The following DPP6 variants were observed in gnomAD, a reference collection of about 807,000 sequenced individuals.
DPP6 encodes the protein A-type potassium channel modulatory protein DPP6.
In DPP6, 69 loss-of-function variants were observed where a neutral mutation model predicts 122.6. The ratio of observed to expected loss-of-function variants is 0.56; its 90% CI spans 0.46 to 0.69. DPP6 has a LOEUF of 0.69. Ranked by LOEUF, DPP6 falls within the 30% of genes least tolerant of loss-of-function variation. The probability of loss-of-function intolerance (pLI) is 0.00; values close to 1 mark genes in which losing one functional copy is unlikely to be tolerated. For synonymous variants in DPP6, 418 were observed against 433.1 expected, an observed-to-expected ratio of 0.97 and a Z score of 0.43; for missense variants, 928 against 1,116.9, an observed-to-expected ratio of 0.83 and a Z score of 2.41.
At chr7:154,540,826 TTGTC>T (rs1329409772) in intron 4 of DPP6, among the ~76,000 whole-genome samples, 200 bp downstream of exon 4, 1 of 152,196 alleles carries the variant, frequency 6.6e-6, no homozygotes, top group Non-Finnish European at 1.5e-5. Flanking sequence ...GTTTCTTTCA[TTGTC>T]TGGGAAATTT....
chr7:154,775,559 TA>T (rs1796508742), intron 10 of DPP6, among the ~76,000 whole-genome samples: 1 of 152,118 alleles, frequency 6.6e-6, no homozygotes, highest in Non-Finnish European at 1.5e-5. Flanking sequence ...ACTCATTAAT[TA>T]ATAAGGGAAC....
chr7:154,499,022 G>A (rs572600036), intron 3 of DPP6, among the ~76,000 whole-genome samples: 1 of 152,322 alleles, frequency 6.6e-6, no homozygotes, highest in South Asian at 2.1e-4. Flanking sequence ...AAGCCTTGTG[G>A]TAGCTTTCAG....
At chr7:153,988,613 C>T (rs2907723) in intron 1 of DPP6, among the ~76,000 whole-genome samples, 24 of 151,704 alleles carry the variant, frequency 1.6e-4, no homozygotes, top group South Asian at 1.5e-3. Context: ...TCGGGGGATG[C>T]TCCCACTGAG....
intron 5 of DPP6, among the ~76,000 whole-genome samples, chr7:154,579,165 A>G (rs1586670445): frequency 6.6e-6 from 1 of 152,162 alleles, no homozygotes; most frequent in Non-Finnish European, 1.5e-5. Context: ...CCTGGCCAAC[A>G]TGGCGAAACC....
At chr7:154,533,840 T>C (rs1348744694) in intron 3 of DPP6, among the ~76,000 whole-genome samples, 1 of 151,782 alleles carries the variant, frequency 6.6e-6, no homozygotes, top group Non-Finnish European at 1.5e-5. Flanking sequence ...TCTACAGAAA[T>C]TTAAAAAATT....
chr7:154,818,175 G>C (rs1483989544), intron 16 of DPP6, among the ~76,000 whole-genome samples: 2 of 152,146 alleles, frequency 1.3e-5, no homozygotes, highest in Non-Finnish European at 2.9e-5. Context: ...TCAGAGAAGA[G>C]AAAAGGGCAT....
chr7:154,840,111 G>C (rs1409742590), intron 16 of DPP6, among the ~76,000 whole-genome samples: 1 of 152,210 alleles, frequency 6.6e-6, no homozygotes, highest in Admixed American at 6.5e-5. Context: ...AAAAAGAAAA[G>C]CAGGTGATTT....
intron 16 of DPP6, among the ~76,000 whole-genome samples, chr7:154,820,894 G>A (rs561464638): frequency 1.3e-5 from 2 of 152,266 alleles, no homozygotes; most frequent in East Asian, 3.9e-4. Flanking sequence ...AATAAAACTT[G>A]ACAATTCAAG....
At chr7:154,629,360 C>T (rs1052589435) in intron 5 of DPP6, among the ~76,000 whole-genome samples, 3 of 151,808 alleles carry the variant, frequency 2.0e-5, no homozygotes, top group Non-Finnish European at 4.4e-5. Context: ...TACTTTTTTT[C>T]CCTTCTCACC....
chr7:154,674,687 A>T (rs529115134), intron 7 of DPP6, among the ~76,000 whole-genome samples: 1 of 152,348 alleles, frequency 6.6e-6, no homozygotes, highest in Non-Finnish European at 1.5e-5. Context: ...TCCATTGGGA[A>T]GTCTTCAACG....
At chr7:154,493,044 G>A (rs1024783586) in intron 3 of DPP6, among the ~76,000 whole-genome samples, 1 of 152,090 alleles carries the variant, frequency 6.6e-6, no homozygotes, top group African/African-American at 2.4e-5. Context: ...TTAGAAGATC[G>A]TGCTTCTTAT....
chr7:154,581,327 T>C (rs1832052191), intron 5 of DPP6, among the ~76,000 whole-genome samples: 1 of 151,894 alleles, frequency 6.6e-6, no homozygotes, highest in African/African-American at 2.4e-5. Context: ...AGGAGATTTG[T>C]GTGGGGAAAA....
rs368548794 is a variant in DPP6 at position 154,348,453 on chromosome 7, A to G, written c.244-97761A>G. On this transcript the variant is annotated intron_variant, in intron 1 of 25. Transcript: ENST00000377770. ...CCTGAAGTTTCCAATATCATTTTTT[A>G]TTCTCGCCCAACATCCTCTGTGATT... Among the ~76,000 whole-genome samples the G allele has an allele frequency of 2.3e-4, 35 of 152,304 alleles. No homozygotes were observed. In the East Asian group the frequency reaches 6.6e-3, roughly 29 times the overall value.
Position 154,182,155 on chromosome 7 carries a change from C to T in DPP6, c.243+129092C>T, listed in dbSNP as rs540168899. On this transcript the variant is annotated intron_variant, in intron 1 of 25. Coordinates refer to ENST00000377770, the MANE Select transcript of DPP6 (RefSeq NM_130797.4). Reference sequence around the variant, plus strand: ...GGTTTAGGAGGATGAACAAGCTGAACTTCTCACTTAGGAAATTGCAAAATA... The same window carrying T: ...GGTTTAGGAGGATGAACAAGCTGAATTTCTCACTTAGGAAATTGCAAAATA... Among the ~76,000 whole-genome samples, 7 of 152,274 alleles carry T rather than the reference C, an allele frequency of 4.6e-5. No individual in the cohort carries two copies. In the East Asian group the frequency reaches 1.4e-3, roughly 29 times the overall value.
At chr7:154,625,903 G>A (rs769228965) in intron 5 of DPP6, among the ~76,000 whole-genome samples, 3 of 152,196 alleles carry the variant, frequency 2.0e-5, no homozygotes, top group African/African-American at 4.8e-5. Context: ...AGTAAATCGA[G>A]CAAGAAAAAG....
intron 6 of DPP6, among the ~76,000 whole-genome samples, chr7:154,651,825 G>A (rs936555894): frequency 7.2e-5 from 11 of 152,048 alleles, no homozygotes; most frequent in Non-Finnish European, 7.4e-5. Context: ...CTCCAGCTGC[G>A]GTCTGTGCCC....
intron 1 of DPP6, among the ~76,000 whole-genome samples, chr7:154,014,128 G>A (rs1316588238): frequency 6.6e-6 from 1 of 151,190 alleles, no homozygotes; most frequent in African/African-American, 2.4e-5. Flanking sequence ...TGAGAAAGCA[G>A]GGCTAAAATA....
Position 154,251,624 on chromosome 7 carries a change from A to G in DPP6, c.244-194590A>G, listed in dbSNP as rs981487138. ...CAAAACCTCAAAAGTAGGGAAACCG[A>G]CAGTGCAGCCTTCAGTCTGTGGCCG... On this transcript the variant is annotated intron_variant, in intron 1 of 25. Coordinates refer to ENST00000377770, the MANE Select transcript of DPP6 (RefSeq NM_130797.4). 4.2e-4 allele frequency among the ~76,000 whole-genome samples: 64 copies of G among 152,358 alleles called. 1 individual carries two copies. Among genetic ancestry groups the G allele is most frequent in the Non-Finnish European group, 6.0e-4 (41 of 68,036 alleles).
At chr7:154,449,778 A>C (rs8180840) in intron 2 of DPP6, among the ~76,000 whole-genome samples, 40,570 of 151,712 alleles carry the variant, frequency 0.27, 8,465 homozygotes, top group African/African-American at 0.59. Context: ...GAGGCCAAGG[A>C]GGGTGGATCA....
Sources: gnomAD v4.1 joint callset for allele counts (sites outside exome capture counted in the v4.1 genomes callset) on GRCh38, gnomAD v4.1.1 for gene constraint, MANE v1.5 for transcripts, NCBI Gene and HGNC (gene_info 2026-07-23, HGNC 2026-07-21) for gene names.